The following SLC22A2 variants were observed in gnomAD, a reference collection of about 807,000 sequenced individuals.
SLC22A2 encodes the protein organic cation transporter 2.
SLC22A2 carries 46 observed loss-of-function variants against 60.5 expected under a neutral mutation model. The observed-to-expected ratio is 0.76, with a 90% CI of 0.60 to 0.97. The LOEUF is 0.97. SLC22A2 is among the 50% of genes least tolerant of loss of function. The pLI is 0.00. For synonymous variants in SLC22A2, 303 were observed against 267.0 expected (o/e 1.13, Z -1.31); for missense variants, 701 against 706.6 (o/e 0.99, Z 0.09).
At chr6:160,238,479 A>G (rs959817756) in intron 9 of SLC22A2, among the ~76,000 whole-genome samples, 1 of 152,198 alleles carries the variant, frequency 6.6e-6, no homozygotes, top group Non-Finnish European at 1.5e-5. Flanking sequence ...TTGGCATTTT[A>G]TATTTGCAAA....
At chr6:160,230,265 C>T (rs1180655411) in intron 9 of SLC22A2, among the ~76,000 whole-genome samples, 4 of 151,952 alleles carry the variant, frequency 2.6e-5, no homozygotes, top group Non-Finnish European at 5.9e-5. Context: ...TAGCCCTCCC[C>T]CACCTGCCCA....
At chr6:160,231,142 T>A (rs1330845699) in intron 9 of SLC22A2, among the ~76,000 whole-genome samples, 1 of 151,906 alleles carries the variant, frequency 6.6e-6, no homozygotes, top group Non-Finnish European at 1.5e-5. Flanking sequence ...GTTGTGGGTA[T>A]TGATGGCCCA....
intron 9 of SLC22A2, among the ~76,000 whole-genome samples, chr6:160,228,891 A>T (rs1308979358): frequency 6.6e-6 from 1 of 151,236 alleles, no homozygotes; most frequent in East Asian, 1.9e-4. Context: ...TTTGACTGTA[A>T]TTTTCCATTA....
At chr6:160,222,222 A>G (rs1422641653) in intron 10 of SLC22A2, among the ~76,000 whole-genome samples, 1 of 152,234 alleles carries the variant, frequency 6.6e-6, no homozygotes, top group African/African-American at 2.4e-5. Context: ...CTTAGGAACC[A>G]TAACAATTTA....
chr6:160,232,223 T>C (rs1187635727), intron 9 of SLC22A2, among the ~76,000 whole-genome samples: 1 of 151,870 alleles, frequency 6.6e-6, no homozygotes, highest in African/African-American at 2.4e-5. Context: ...ACTGTATCTC[T>C]CTGATCCACC....
chr6:160,249,459 A>G, intron 3 of SLC22A2, 75 bp from the exon 4 acceptor site: 3 of 1,102,942 alleles, frequency 2.7e-6, no homozygotes, highest in South Asian at 1.4e-5. Context: ...AGGAAACTAG[A>G]ACACCAACCT....
chr6:160,221,292 ACTT>A (rs1380419077), intron 10 of SLC22A2, among the ~76,000 whole-genome samples: 1 of 152,222 alleles, frequency 6.6e-6, no homozygotes, highest in Non-Finnish European at 1.5e-5. Context: ...TTCTTCTGCT[ACTT>A]CTTCACCTGT....
At position 160,231,546 on chromosome 6, in the gene SLC22A2, T is replaced by C. The variant is rs781330657; in HGVS notation, c.1502-6742A>G. On this transcript the variant is annotated intron_variant, in intron 9 of 10. Transcript: ENST00000366953. ...CTGTTATCACTCACCTGCTACAGCA[T>C]GGGCTTCTAAAACCTATAAATTCTG... is the stretch of plus-strand genomic sequence containing the variant. 2.0e-5 allele frequency among the ~76,000 whole-genome samples: 3 copies of C among 152,098 alleles called. No individual in the cohort carries two copies. The East Asian group carries it at 5.8e-4, about 29-fold the overall frequency.
intron 7 of SLC22A2, among the ~76,000 whole-genome samples, chr6:160,243,164 T>C (rs1783037916): frequency 6.6e-6 from 1 of 152,166 alleles, no homozygotes; most frequent in Non-Finnish European, 1.5e-5. Flanking sequence ...AACTGAATAG[T>C]TATTTATGGA....
chr6:160,226,223 A>G (rs575191857), intron 9 of SLC22A2, among the ~76,000 whole-genome samples: 8 of 152,278 alleles, frequency 5.3e-5, no homozygotes, highest in African/African-American at 1.4e-4. Context: ...TTGACTCCCT[A>G]TGATTTCACC....
intron 9 of SLC22A2, among the ~76,000 whole-genome samples, chr6:160,225,303 T>C (rs1372465217): frequency 1.3e-5 from 2 of 152,242 alleles, no homozygotes; most frequent in African/African-American, 4.8e-5. Context: ...GTTATTCCTT[T>C]TTTTCTTTGT....
intron 9 of SLC22A2, among the ~76,000 whole-genome samples, chr6:160,240,383 T>G (rs1192051886): frequency 6.6e-6 from 1 of 152,206 alleles, no homozygotes; most frequent in Non-Finnish European, 1.5e-5. Flanking sequence ...CTTGTCTTTA[T>G]TCTGTACATT....
chr6:160,225,333 T>A (rs316006), intron 9 of SLC22A2, among the ~76,000 whole-genome samples: 107,015 of 152,134 alleles, frequency 0.7, 39,345 homozygotes, highest in Admixed American at 0.82. Context: ...TAATCTTTAA[T>A]AATAAACACT....
intron 1 of SLC22A2, among the ~76,000 whole-genome samples, 155 bp downstream of exon 1, chr6:160,258,189 C>T (rs1050080598): frequency 1.3e-5 from 2 of 152,224 alleles, no homozygotes; most frequent in African/African-American, 2.4e-5. Context: ...TTAGAAGCTG[C>T]ATGTTCTCAT....
rs1426017850 is a variant in SLC22A2 at position 160,224,770 on chromosome 6, C to T, written c.1536G>A (p.Leu512=). 4 of 1,601,128 alleles carry T rather than the reference C, an allele frequency of 2.5e-6. No homozygotes were observed. The East Asian group carries it at 6.7e-5, about 27-fold the overall frequency. ...CTTTCCCTTTAGTTTCTGGAAGCAA[C>T]AGCACCAGACCTCCAGCAACCAAGC... ...VLGLVAGGLV[L]LLPETKGKAL... Residue 512 remains leucine, a synonymous_variant, in exon 10 of 11, where the codon CTG becomes CTA. Coordinates refer to ENST00000366953, the MANE Select transcript of SLC22A2 (RefSeq NM_003058.4).
At chr6:160,227,461 G>C (rs1313284181) in intron 9 of SLC22A2, among the ~76,000 whole-genome samples, 3 of 152,120 alleles carry the variant, frequency 2.0e-5, no homozygotes, top group African/African-American at 7.2e-5. Context: ...TGGATACCTC[G>C]CATGTATTGA....
chr6:160,219,159 C>T (rs1162599896), intron 10 of SLC22A2, among the ~76,000 whole-genome samples: 1 of 23,182 alleles, frequency 4.3e-5, no homozygotes, highest in Non-Finnish European at 9.0e-5. Context: ...GTAACAACAG[C>T]AGCAGCAACA....
intron 9 of SLC22A2, among the ~76,000 whole-genome samples, chr6:160,237,288 T>C (rs1326204934): frequency 6.6e-6 from 1 of 152,198 alleles, no homozygotes; most frequent in African/African-American, 2.4e-5. Flanking sequence ...GCCAGGTTCA[T>C]GGAAAGCCTT....
In SLC22A2 at chr6:160,241,606, TTTAAC is replaced by T; in HGVS notation, c.1389-25_1389-21del. The T allele has an allele frequency of 6.6e-7, 1 of 1,511,386 alleles. No individual in the cohort carries two copies. Among genetic ancestry groups the T allele is most frequent in the Non-Finnish European group, 9.2e-7 (1 of 1,086,924 alleles). 93.6% of individuals were successfully genotyped at this position (1,511,386 alleles called of 1,614,324 possible). A position where few individuals can be genotyped will look rare whatever the true frequency, so the allele number is the denominator to read the frequency against. On this transcript the variant is annotated intron_variant, in intron 8 of 10. Coordinates refer to ENST00000366953, the MANE Select transcript of SLC22A2 (RefSeq NM_003058.4). ...AGATTCCTAGAATGCAGGAAACTGATTTAACTTGTTAACTTATCACAGTGCAGTAG... is the reference window on the plus strand; with the variant it reads ...AGATTCCTAGAATGCAGGAAACTGATTTGTTAACTTATCACAGTGCAGTAG...
Sources: allele counts gnomAD v4.1 joint callset (sites outside exome capture counted in the v4.1 genomes callset), GRCh38; gene constraint gnomAD v4.1.1; transcripts MANE v1.5; gene names NCBI Gene and HGNC (gene_info 2026-07-23, HGNC 2026-07-21).